PIK3C2A: variants seen among roughly 807,000 people sequenced by gnomAD.
The protein encoded by PIK3C2A is phosphatidylinositol-4-phosphate 3-kinase catalytic subunit type 2 alpha.
PIK3C2A carries 97 observed loss-of-function variants against 204.5 expected under a neutral mutation model. The ratio of observed to expected loss-of-function variants is 0.47; its 90% CI spans 0.40 to 0.56. PIK3C2A has a LOEUF of 0.56. Ranked by LOEUF, PIK3C2A falls within the 20% of genes least tolerant of loss-of-function variation. PIK3C2A has a pLI of 0.00. For synonymous variants in PIK3C2A, 653 were observed against 664.4 expected (o/e 0.98, Z 0.26); for missense variants, 1,735 against 1,969.2 (o/e 0.88, Z 2.25).
intron 19 of PIK3C2A, among the ~76,000 whole-genome samples, chr11:17,116,149 G>C (rs775714531): frequency 6.6e-6 from 1 of 152,160 alleles, no homozygotes. Context: ...AATAGTGTAT[G>C]TGATAAAGGT....
chr11:17,141,876 T>C (rs1040469800), intron 8 of PIK3C2A, among the ~76,000 whole-genome samples: 8 of 152,218 alleles, frequency 5.3e-5, no homozygotes, highest in Non-Finnish European at 1.2e-4. Context: ...TGACCAGAAT[T>C]AGACTGAATG....
intron 1 of PIK3C2A, among the ~76,000 whole-genome samples, chr11:17,178,189 A>G (rs1344962506): frequency 6.6e-6 from 1 of 151,992 alleles, no homozygotes; most frequent in Non-Finnish European, 1.5e-5. Flanking sequence ...TATTTAATCT[A>G]TCAAAAATAT....
chr11:17,118,731 T>C lies in PIK3C2A; in HGVS notation c.2949A>G (p.Lys983=). The C allele has an allele frequency of 6.6e-7, 1 of 1,509,536 alleles. No individual in the cohort carries two copies. The highest frequency in any genetic ancestry group is 9.2e-7 in the Non-Finnish European group (1 of 1,088,226). 93.5% of individuals were successfully genotyped at this position (1,509,536 alleles called of 1,614,324 possible). A position where few individuals can be genotyped will look rare whatever the true frequency, so the allele number is the denominator to read the frequency against. Reference sequence around the variant, plus strand: ...ATGAACTATTCAAGTAAATTTCATATTTCAAAGCCTACAGTAAAAGAAAAT... The same window carrying C: ...ATGAACTATTCAAGTAAATTTCATACTTCAAAGCCTACAGTAAAAGAAAAT... The part of the protein sequence containing the change: ...DLLPQFVQAL[K]YEIYLNSSLV... The change falls in exon 18 of 33, where the codon AAA becomes AAG. Residue 983 remains lysine, a synonymous_variant. Coordinates refer to ENST00000691414, the MANE Select transcript of PIK3C2A (RefSeq NM_002645.4).
intron 1 of PIK3C2A, among the ~76,000 whole-genome samples, chr11:17,193,306 C>G (rs749953318): frequency 6.6e-6 from 1 of 152,120 alleles, no homozygotes; most frequent in Non-Finnish European, 1.5e-5. Context: ...ATTTTTCCGC[C>G]GCAGTTAGAA....
chr11:17,193,955 T>A (rs533033144), intron 1 of PIK3C2A: 1 of 326,398 alleles, frequency 3.1e-6, no homozygotes, highest in African/African-American at 2.2e-5. Context: ...CTCAAGGGGG[T>A]GGACCCCAAA....
Position 17,089,262 on chromosome 11 carries a change from G to A in PIK3C2A, c.*476C>T, listed in dbSNP as rs1467305528. 6.6e-6 allele frequency: 1 copy of A among 152,340 alleles called. No individual in the cohort carries two copies. Among genetic ancestry groups the A allele is most frequent in the Non-Finnish European group, 1.5e-5 (1 of 68,184 alleles). The allele number at this position is 152,340 out of a possible 1,614,324, so 9.4% of individuals were successfully genotyped here. A position where few individuals can be genotyped will look rare whatever the true frequency, so the allele number is the denominator to read the frequency against. On this transcript the variant is annotated 3_prime_UTR_variant, in exon 33 of 33. Transcript: ENST00000691414. ...CTTAGCTATCTATTATTTGTGCTTT[G>A]TTTTTCAGCTCCATGAATAGCAGCT...
chr11:17,138,570 C>T (rs1238204884), intron 8 of PIK3C2A, among the ~76,000 whole-genome samples: 3 of 151,950 alleles, frequency 2.0e-5, no homozygotes, highest in Non-Finnish European at 4.4e-5. Context: ...TCCTTTTTTC[C>T]TCAGCCTAGA....
At chr11:17,177,252 A>C (rs1220696527) in intron 1 of PIK3C2A, among the ~76,000 whole-genome samples, 1 of 152,088 alleles carries the variant, frequency 6.6e-6, no homozygotes, top group Non-Finnish European at 1.5e-5. Context: ...ACTACTATTT[A>C]GTTATAACAT....
intron 22 of PIK3C2A, among the ~76,000 whole-genome samples, chr11:17,108,498 A>C (rs572498324): frequency 1.1e-3 from 163 of 152,120 alleles, no homozygotes; most frequent in African/African-American, 3.7e-3. Flanking sequence ...CCATCATATC[A>C]AGCTAATTTT....
intron 13 of PIK3C2A, among the ~76,000 whole-genome samples, chr11:17,123,410 A>T (rs1280894744): frequency 6.7e-6 from 1 of 148,192 alleles, no homozygotes; most frequent in African/African-American, 2.5e-5. Flanking sequence ...CACCATGCTC[A>T]GCTAATTCTT....
intron 1 of PIK3C2A, among the ~76,000 whole-genome samples, chr11:17,175,791 A>G (rs1030281211): frequency 6.6e-6 from 1 of 152,240 alleles, no homozygotes; most frequent in African/African-American, 2.4e-5. Context: ...CTTCTGTGTT[A>G]GACAGTCATT....
At chr11:17,182,561 C>G (rs1851600980) in intron 1 of PIK3C2A, among the ~76,000 whole-genome samples, 1 of 130,848 alleles carries the variant, frequency 7.6e-6, no homozygotes, top group African/African-American at 3.3e-5. Context: ...GAACAAGACC[C>G]TGTCTCAAAA....
chr11:17,202,936 G>A (rs1474680342), intron 1 of PIK3C2A, among the ~76,000 whole-genome samples: 1 of 152,164 alleles, frequency 6.6e-6, no homozygotes, highest in Non-Finnish European at 1.5e-5. Context: ...AAAGCCTTAT[G>A]TTTAACAGTA....
At chr11:17,115,591 T>C (rs992516602) in intron 19 of PIK3C2A, 46 of 148,082 alleles carry the variant, frequency 3.1e-4, no homozygotes, top group African/African-American at 1.1e-3. Flanking sequence ...TGGATAGACA[T>C]ATATGATATA....
chr11:17,120,503 AAT>A (rs1157446453), intron 15 of PIK3C2A, among the ~76,000 whole-genome samples: 3 of 151,730 alleles, frequency 2.0e-5, no homozygotes, highest in African/African-American at 7.2e-5. Context: ...TATATATATA[AAT>A]ATATATATAC....
At chr11:17,196,850 G>C (rs1212366330) in intron 1 of PIK3C2A, among the ~76,000 whole-genome samples, 1 of 151,968 alleles carries the variant, frequency 6.6e-6, no homozygotes, top group African/African-American at 2.4e-5. Context: ...GATTACAGGC[G>C]TGAGAGGCGT....
At chr11:17,140,220 G>C (rs549791857) in intron 8 of PIK3C2A, among the ~76,000 whole-genome samples, 260 of 152,176 alleles carry the variant, frequency 1.7e-3, no homozygotes, top group Middle Eastern at 3.4e-3. Context: ...TTTGAAGCCA[G>C]CCTGGGTAAG....
chr11:17,160,276 C>CA (rs1399337418), intron 2 of PIK3C2A, among the ~76,000 whole-genome samples: 2 of 152,012 alleles, frequency 1.3e-5, no homozygotes, highest in African/African-American at 4.8e-5. Context: ...CAACCAAGAA[C>CA]AAAACCTTTG....
chr11:17,164,853 A>C (rs1458381527), intron 2 of PIK3C2A, among the ~76,000 whole-genome samples: 2 of 152,170 alleles, frequency 1.3e-5, no homozygotes, highest in Non-Finnish European at 2.9e-5. Context: ...TATCTTTAGG[A>C]AACCACCCAT....
Sources: gnomAD v4.1 joint callset for allele counts (sites outside exome capture counted in the v4.1 genomes callset) on GRCh38, gnomAD v4.1.1 for gene constraint, MANE v1.5 for transcripts, NCBI Gene and HGNC (gene_info 2026-07-23, HGNC 2026-07-21) for gene names.